TMEM132D: variants seen among roughly 807,000 people sequenced by gnomAD.
The protein encoded by TMEM132D is mature OL transmembrane protein.
A neutral mutation model predicts 62.3 loss-of-function variants in TMEM132D; 21 were observed. The observed-to-expected ratio is 0.34, with a 90% CI of 0.24 to 0.49. TMEM132D has a LOEUF of 0.49. TMEM132D is among the 20% of genes least tolerant of loss of function. The pLI, the probability that TMEM132D is intolerant of heterozygous loss-of-function variation, is 0.99. For synonymous variants in TMEM132D, 621 were observed against 575.6 expected, an observed-to-expected ratio of 1.08 and a Z score of -1.13; for missense variants, 1,346 against 1,402.8, an observed-to-expected ratio of 0.96 and a Z score of 0.65.
At chr12:129,216,900 CG>C in intron 4 of TMEM132D, among the ~76,000 whole-genome samples, 1 of 152,260 alleles carries the variant, frequency 6.6e-6, no homozygotes, top group Non-Finnish European at 1.5e-5. Flanking sequence ...GAAAGGGGAC[CG>C]CCTCATGATT....
chr12:129,284,733 TA>T (rs1413983487), intron 4 of TMEM132D, among the ~76,000 whole-genome samples: 1 of 152,114 alleles, frequency 6.6e-6, no homozygotes, highest in Non-Finnish European at 1.5e-5. Flanking sequence ...TATTCAGCCA[TA>T]AAAAAGGAAT....
At chr12:129,892,616 T>C (rs1566021579) in intron 1 of TMEM132D, among the ~76,000 whole-genome samples, 2 of 152,234 alleles carry the variant, frequency 1.3e-5, no homozygotes, top group Admixed American at 6.5e-5. Context: ...TTGGATTTTT[T>C]TCCCAAGTAT....
intron 5 of TMEM132D, among the ~76,000 whole-genome samples, chr12:129,088,483 CCGGGTGTCCTCCA>C: frequency 4.1e-5 from 2 of 48,486 alleles, no homozygotes; most frequent in African/African-American, 3.0e-4. Context: ...TCCTCCATGA[CCGGGTGTCCTCCA>C]TGACCGGGAT....
intron 5 of TMEM132D, among the ~76,000 whole-genome samples, chr12:129,152,869 T>G (rs774221183): frequency 6.6e-6 from 1 of 152,172 alleles, no homozygotes; most frequent in African/African-American, 2.4e-5. Flanking sequence ...CAGGAGGCAC[T>G]GGTGAGAGAG....
At chr12:129,786,869 C>A (rs1871261216) in intron 1 of TMEM132D, among the ~76,000 whole-genome samples, 1 of 152,198 alleles carries the variant, frequency 6.6e-6, no homozygotes, top group Admixed American at 6.5e-5. Flanking sequence ...CCAGCCTGAT[C>A]AACAGAGTGA....
At chr12:129,545,391 AT>A (rs1876704631) in intron 2 of TMEM132D, among the ~76,000 whole-genome samples, 1 of 151,682 alleles carries the variant, frequency 6.6e-6, no homozygotes, top group African/African-American at 2.4e-5. Context: ...TCAAGTTAGA[AT>A]TTTTTCTTTT....
At chr12:129,434,301 G>A (rs1296167550) in intron 3 of TMEM132D, among the ~76,000 whole-genome samples, 1 of 152,126 alleles carries the variant, frequency 6.6e-6, no homozygotes, top group Non-Finnish European at 1.5e-5. Flanking sequence ...ATCAGGTAAC[G>A]GATGAGAACA....
chr12:129,125,497 TGAG>T (rs1643549492), intron 5 of TMEM132D, among the ~76,000 whole-genome samples: 1 of 123,994 alleles, frequency 8.1e-6, no homozygotes. Flanking sequence ...CGAATTACTA[TGAG>T]TTTTTTTTTT....
chr12:129,404,394 G>T (rs565881600), intron 3 of TMEM132D, among the ~76,000 whole-genome samples: 1 of 152,000 alleles, frequency 6.6e-6, no homozygotes, highest in Non-Finnish European at 1.5e-5. Flanking sequence ...ATGGGGTTTC[G>T]CCATAATGGC....
chr12:129,778,268 A>T (rs1476795527), intron 1 of TMEM132D, among the ~76,000 whole-genome samples: 3 of 151,884 alleles, frequency 2.0e-5, no homozygotes, highest in Admixed American at 2.0e-4. Context: ...AAATTTCAAA[A>T]TTTTCCTAAT....
At chr12:129,635,605 G>C (rs555484491) in intron 2 of TMEM132D, among the ~76,000 whole-genome samples, 1 of 152,332 alleles carries the variant, frequency 6.6e-6, no homozygotes, top group African/African-American at 2.4e-5. Context: ...CAGGGGACTT[G>C]TGTTCCCTTC....
chr12:129,429,942 A>G (rs1331996801), intron 3 of TMEM132D, among the ~76,000 whole-genome samples: 1 of 151,914 alleles, frequency 6.6e-6, no homozygotes, highest in Non-Finnish European at 1.5e-5. Context: ...ATAGTATTCC[A>G]TGGTGTATAT....
chr12:129,470,205 G>A (rs576550415), intron 3 of TMEM132D, among the ~76,000 whole-genome samples: 119 of 152,352 alleles, frequency 7.8e-4, no homozygotes, highest in African/African-American at 2.7e-3. Flanking sequence ...TGGGAGAACA[G>A]TCACATAAGA....
At chr12:129,703,909 G>A (rs1281181018) in intron 1 of TMEM132D, among the ~76,000 whole-genome samples, 13 of 125,220 alleles carry the variant, frequency 1.0e-4, no homozygotes, top group Non-Finnish European at 1.6e-4. Flanking sequence ...ATAACTAATC[G>A]AATACGGTAA....
chr12:129,874,008 C>T (rs1209583714), intron 1 of TMEM132D, among the ~76,000 whole-genome samples: 1 of 152,178 alleles, frequency 6.6e-6, no homozygotes, highest in South Asian at 2.1e-4. Context: ...CGCACTAAAC[C>T]TCAGGCCCTG....
At chr12:129,437,223 GT>G (rs1403923510) in intron 3 of TMEM132D, among the ~76,000 whole-genome samples, 1 of 152,142 alleles carries the variant, frequency 6.6e-6, no homozygotes, top group Non-Finnish European at 1.5e-5. Context: ...CTTTCTGCCA[GT>G]TGGGAACGGA....
At chr12:129,520,723 T>G (rs1022814762) in intron 3 of TMEM132D, among the ~76,000 whole-genome samples, 8 of 152,244 alleles carry the variant, frequency 5.3e-5, no homozygotes, top group Non-Finnish European at 1.0e-4. Flanking sequence ...AAGCTGTACA[T>G]GTTGAGATCA....
At chr12:129,502,952 C>A (rs932320380) in intron 3 of TMEM132D, among the ~76,000 whole-genome samples, 3 of 152,168 alleles carry the variant, frequency 2.0e-5, no homozygotes, top group African/African-American at 7.2e-5. Flanking sequence ...TAGAATGTAA[C>A]CTTCATGAGG....
chr12:129,442,895 G>A (rs1238643531), intron 3 of TMEM132D, among the ~76,000 whole-genome samples: 1 of 152,128 alleles, frequency 6.6e-6, no homozygotes, highest in African/African-American at 2.4e-5. Context: ...GGTCACTCCT[G>A]TAGGAGGGAG....
Sources: gnomAD v4.1 joint callset for allele counts (sites outside exome capture counted in the v4.1 genomes callset) on GRCh38, gnomAD v4.1.1 for gene constraint, MANE v1.5 for transcripts, NCBI Gene and HGNC (gene_info 2026-07-23, HGNC 2026-07-21) for gene names.